The following PKP2 variants were observed in gnomAD, a reference collection of about 807,000 sequenced individuals.
PKP2 encodes the protein plakophilin 2.
In PKP2, 73 loss-of-function variants were observed where a neutral mutation model predicts 83.4. The observed-to-expected ratio is 0.88, with a 90% CI of 0.72 to 1.06. The LOEUF is 1.06. Ranked by LOEUF, PKP2 falls within the 50% of genes least tolerant of loss-of-function variation. The pLI, the probability that PKP2 is intolerant of heterozygous loss-of-function variation, is 0.00. For synonymous variants in PKP2, 409 were observed against 430.4 expected, an observed-to-expected ratio of 0.95 and a Z score of 0.62; for missense variants, 966 against 1,065.4, an observed-to-expected ratio of 0.91 and a Z score of 1.30.
In PKP2 at chr12:32,841,259, C is replaced by A. The variant is rs190640544; in HGVS notation, c.1379-54G>T. The A allele has an allele frequency of 2.9e-5, 43 of 1,480,652 alleles. No homozygotes were observed. The African/African-American group carries it at 5.7e-4, about 20-fold the overall frequency. The allele number at this position is 1,480,652 out of a possible 1,614,324, so 91.7% of individuals were successfully genotyped here. A position where few individuals can be genotyped will look rare whatever the true frequency, so the allele number is the denominator to read the frequency against. ...CAGTGCAGGGTGGGACCAAAATGAC[C>A]GCTGAAAAGTTCAGTCAAGGCCATC... is the stretch of plus-strand genomic sequence containing the variant. On this transcript the variant is annotated intron_variant, in intron 5 of 12. Coordinates refer to ENST00000340811, the MANE Select transcript of PKP2 (RefSeq NM_001005242.3).
intron 9 of PKP2, among the ~76,000 whole-genome samples, chr12:32,806,924 C>T (rs1956231143): frequency 6.6e-6 from 1 of 152,162 alleles, no homozygotes; most frequent in South Asian, 2.1e-4. Context: ...TCATTAATTT[C>T]ATACAACTTC....
At chr12:32,793,076 A>C (rs574596259) in intron 11 of PKP2, among the ~76,000 whole-genome samples, 1 of 152,246 alleles carries the variant, frequency 6.6e-6, no homozygotes, top group Admixed American at 6.5e-5. Context: ...CCCCGTCTGT[A>C]CTAAAAATAC....
rs777141902 is a variant in PKP2, at chr12:32,791,639, A to G, written c.*785T>C. On this transcript the variant is annotated 3_prime_UTR_variant, in exon 13 of 13. Coordinates refer to ENST00000340811, the MANE Select transcript of PKP2 (RefSeq NM_001005242.3). Reference sequence around the variant, plus strand: ...TGTTATAGGTAAAGTATCTCCTGAGAAAAATCTCATTGACTCAGTGTTTGG... The same window carrying G: ...TGTTATAGGTAAAGTATCTCCTGAGGAAAATCTCATTGACTCAGTGTTTGG... The G allele has an allele frequency of 2.6e-5, 4 of 152,246 alleles. No individual in the cohort carries two copies. The highest frequency in any genetic ancestry group is 5.9e-5 in the Non-Finnish European group (4 of 68,050). The allele number at this position is 152,246 out of a possible 1,614,324, so 9.4% of individuals were successfully genotyped here.
chr12:32,890,952 C>CAAA (rs56900611), intron 1 of PKP2, among the ~76,000 whole-genome samples: 46 of 70,308 alleles, frequency 6.5e-4, no homozygotes, highest in Middle Eastern at 9.1e-3. Context: ...AAGAGCGAAA[C>CAAA]AAAAAAAAAA....
In PKP2 at chr12:32,896,496, G is replaced by T. The variant is rs766891882; in HGVS notation, c.223+13C>A. 2.7e-6 allele frequency: 4 copies of T among 1,473,264 alleles called. No homozygotes were observed. In the Admixed American group the frequency reaches 8.3e-5, roughly 30 times the overall value. The allele number at this position is 1,473,264 out of a possible 1,614,324, so 91.3% of individuals were successfully genotyped here. On this transcript the variant is annotated intron_variant, in intron 1 of 12. Coordinates refer to ENST00000340811, the MANE Select transcript of PKP2 (RefSeq NM_001005242.3). Reference sequence around the variant, plus strand: ...GCAGGGGGCGGCGCCGGGGAGCGGCGGGCTCCACTCACCGTTGCCCACGGA... The same window carrying T: ...GCAGGGGGCGGCGCCGGGGAGCGGCTGGCTCCACTCACCGTTGCCCACGGA...
At chr12:32,798,209 C>T (rs929597436) in intron 10 of PKP2, among the ~76,000 whole-genome samples, 13 of 150,756 alleles carry the variant, frequency 8.6e-5, no homozygotes, top group African/African-American at 2.2e-4. Flanking sequence ...CTCAGCCTCC[C>T]GAGTAGCTAG....
chr12:32,843,619 CTG>C (rs1197602031), intron 5 of PKP2, among the ~76,000 whole-genome samples: 7 of 152,314 alleles, frequency 4.6e-5, no homozygotes, highest in South Asian at 2.1e-4. Context: ...TACAGTGACA[CTG>C]TGTCTGGTGT....
At chr12:32,848,999 C>T (rs1442874723) in intron 5 of PKP2, among the ~76,000 whole-genome samples, 1 of 134,346 alleles carries the variant, frequency 7.4e-6, no homozygotes, top group Non-Finnish European at 1.6e-5. Context: ...TCAACTATTA[C>T]ACAGTTAAAA....
At chr12:32,801,872 AT>A (rs1428028762) in intron 10 of PKP2, among the ~76,000 whole-genome samples, 3 of 152,220 alleles carry the variant, frequency 2.0e-5, no homozygotes, top group Non-Finnish European at 2.9e-5. Context: ...CTCAAAAAAA[AT>A]CCATGCCAAA....
In PKP2 at chr12:32,839,135, G is replaced by T. The variant is rs1042679641; in HGVS notation, c.1556+1893C>A. Among the ~76,000 whole-genome samples the T allele has an allele frequency of 2.0e-5, 3 of 152,242 alleles. No homozygotes were observed. The South Asian group carries it at 6.2e-4, about 32-fold the overall frequency. On this transcript the variant is annotated intron_variant, in intron 6 of 12. Transcript: ENST00000340811. ...TGAAGGTTGTGGATAGACTGAAAAA[G>T]GCTGTGTATGCTGTGATGGACCAAG...
chr12:32,800,656 A>G (rs1028315497), intron 10 of PKP2, among the ~76,000 whole-genome samples: 2 of 152,188 alleles, frequency 1.3e-5, no homozygotes, highest in African/African-American at 4.8e-5. Flanking sequence ...TGAGGGAACG[A>G]GTCAATGCAT....
chr12:32,839,762 T>C (rs970484040), intron 6 of PKP2, among the ~76,000 whole-genome samples: 17 of 152,150 alleles, frequency 1.1e-4, no homozygotes, highest in African/African-American at 4.1e-4. Context: ...AGAGAAACTT[T>C]AAGACGTGAA....
rs112955378 is a variant in PKP2 at position 32,843,559 on chromosome 12, T to A, written c.1379-2354A>T. Among the ~76,000 whole-genome samples, 843 of 152,320 alleles carry A rather than the reference T, an allele frequency of 5.5e-3. 8 individuals carry two copies. The highest frequency in any genetic ancestry group is 0.017 in the African/African-American group (694 of 41,570). Reference sequence around the variant, plus strand: ...CTGCTGTGCACAGGTAGCTACTTTTTGAAACTGTAACCAGATTTCCACTGG... The same window carrying A: ...CTGCTGTGCACAGGTAGCTACTTTTAGAAACTGTAACCAGATTTCCACTGG... On this transcript the variant is annotated intron_variant, in intron 5 of 12. Coordinates refer to ENST00000340811, the MANE Select transcript of PKP2 (RefSeq NM_001005242.3).
chr12:32,795,687 T>A (rs1380707805), intron 11 of PKP2, among the ~76,000 whole-genome samples: 6 of 152,174 alleles, frequency 3.9e-5, no homozygotes, highest in African/African-American at 1.4e-4. Flanking sequence ...AGCCCATCAC[T>A]GCTTCTTCTA....
At chr12:32,793,613 C>CTTTTTTTTTTTTTTTTTTTTTTTTT in intron 11 of PKP2, among the ~76,000 whole-genome samples, 1 of 76,718 alleles carries the variant, frequency 1.3e-5, no homozygotes, top group Non-Finnish European at 2.3e-5. Flanking sequence ...TCATATTCTG[C>CTTTTTTTTTTTTTTTTTTTTTTTTT]TTTTTTTTTT....
chr12:32,884,629 T>C (rs1957014426), intron 1 of PKP2, among the ~76,000 whole-genome samples: 1 of 152,188 alleles, frequency 6.6e-6, no homozygotes, highest in East Asian at 1.9e-4. Context: ...AAGAAAACTT[T>C]TCTCCTCTAC....
chr12:32,879,744 C>A (rs184173836), intron 1 of PKP2, among the ~76,000 whole-genome samples: 2 of 150,924 alleles, frequency 1.3e-5, no homozygotes, highest in Admixed American at 6.6e-5. Flanking sequence ...GCAGGAGAAT[C>A]GCTTGAACCC....
chr12:32,863,303 C>T (rs1956817469), intron 4 of PKP2: 1 of 261,598 alleles, frequency 3.8e-6, no homozygotes, highest in Admixed American at 4.1e-5. Flanking sequence ...CCAAACAAAA[C>T]CAGAGTAATC....
Position 32,851,093 on chromosome 12 carries a change from T to G in PKP2, c.1171-120A>C, listed in dbSNP as rs1213571241. 3.8e-6 allele frequency: 3 copies of G among 799,086 alleles called. No individual in the cohort carries two copies. In the African/African-American group the frequency reaches 5.1e-5, roughly 14 times the overall value. The allele number at this position is 799,086 out of a possible 1,614,324, so 49.5% of individuals were successfully genotyped here. A position where few individuals can be genotyped will look rare whatever the true frequency, so the allele number is the denominator to read the frequency against. On this transcript the variant is annotated intron_variant, in intron 4 of 12. Transcript: ENST00000340811. ...ACTATAACCTTTCTTCATCAACAACTATGTGTAGCACAACTGAGGCTCTTG... is the reference window on the plus strand; with the variant it reads ...ACTATAACCTTTCTTCATCAACAACGATGTGTAGCACAACTGAGGCTCTTG...
Sources: allele counts gnomAD v4.1 joint callset (sites outside exome capture counted in the v4.1 genomes callset), GRCh38; gene constraint gnomAD v4.1.1; transcripts MANE v1.5; gene names NCBI Gene and HGNC (gene_info 2026-07-23, HGNC 2026-07-21).